The following PRKD1 variants were observed in gnomAD, a reference collection of about 807,000 sequenced individuals.
The protein encoded by PRKD1 is protein kinase D1.
In PRKD1, 63 loss-of-function variants were observed where a neutral mutation model predicts 95.9. The ratio of observed to expected loss-of-function variants is 0.66; its 90% CI spans 0.54 to 0.81. PRKD1 has a LOEUF of 0.81. Ranked by LOEUF, PRKD1 falls within the 30% of genes least tolerant of loss-of-function variation. PRKD1 has a pLI of 0.00. For missense variants in PRKD1, 1,048 were observed against 1,165.3 expected, an observed-to-expected ratio of 0.90 and a Z score of 1.47; for synonymous variants, 425 against 423.1, an observed-to-expected ratio of 1.00 and a Z score of -0.05.
chr14:29,705,811 T>A (rs1050525830), intron 2 of PRKD1, among the ~76,000 whole-genome samples: 3 of 152,154 alleles, frequency 2.0e-5, no homozygotes, highest in Non-Finnish European at 2.9e-5. Flanking sequence ...ACTTCATTTT[T>A]ATAGCTAAAT....
intron 6 of PRKD1, among the ~76,000 whole-genome samples, chr14:29,637,588 A>G (rs1284770050): frequency 2.6e-5 from 4 of 152,202 alleles, no homozygotes; most frequent in Admixed American, 2.0e-4. Context: ...GCCTGAACAA[A>G]GTCAACACCA....
chr14:29,679,665 G>A (rs888817560), intron 2 of PRKD1, among the ~76,000 whole-genome samples: 2 of 151,296 alleles, frequency 1.3e-5, no homozygotes, highest in Non-Finnish European at 2.9e-5. Context: ...AGAGATGCAG[G>A]CAAAGAAAAG....
intron 1 of PRKD1, among the ~76,000 whole-genome samples, chr14:29,826,019 T>C (rs576570028): frequency 1.3e-5 from 2 of 151,848 alleles, no homozygotes; most frequent in Admixed American, 1.3e-4. Flanking sequence ...GGTACATGCA[T>C]GTTTATAGTA....
At chr14:29,776,239 T>C (rs1325076339) in intron 1 of PRKD1, among the ~76,000 whole-genome samples, 1 of 152,164 alleles carries the variant, frequency 6.6e-6, no homozygotes, top group Non-Finnish European at 1.5e-5. Context: ...TCAGAGCGCC[T>C]CTTCTCCTCC....
At chr14:29,579,587 A>G (rs1342344436) in intron 16 of PRKD1, among the ~76,000 whole-genome samples, 1 of 152,136 alleles carries the variant, frequency 6.6e-6, no homozygotes, top group Non-Finnish European at 1.5e-5. Flanking sequence ...AGACTGTCAC[A>G]TGAGACCAGA....
rs1594537773 is a variant in PRKD1 at position 29,808,567 on chromosome 14, T to C, written c.265-82893A>G. ...GGCACCTGCCACCACACTCAGCTAA[T>C]TTTTGTATTTTTAGTAGAGATGGAG... On this transcript the variant is annotated intron_variant, in intron 1 of 17. Coordinates refer to ENST00000331968, the MANE Select transcript of PRKD1 (RefSeq NM_002742.3). Among the ~76,000 whole-genome samples the C allele has an allele frequency of 4.6e-5, 7 of 151,772 alleles. 1 individual carries two copies. The highest frequency in any genetic ancestry group is 3.9e-4 in the East Asian group (2 of 5,134).
intron 2 of PRKD1, among the ~76,000 whole-genome samples, chr14:29,723,057 T>G (rs978699811): frequency 2.0e-5 from 3 of 152,116 alleles, no homozygotes; most frequent in African/African-American, 7.2e-5. Context: ...GTCTTATTGG[T>G]GAAGTCAGGA....
intron 4 of PRKD1, among the ~76,000 whole-genome samples, chr14:29,662,873 G>C (rs1451686535): frequency 6.6e-6 from 1 of 151,558 alleles, no homozygotes; most frequent in Admixed American, 6.6e-5. Context: ...GGGAGATAGA[G>C]GGGGTAAATA....
chr14:29,685,764 T>C (rs1215320569), intron 2 of PRKD1, among the ~76,000 whole-genome samples: 1 of 149,954 alleles, frequency 6.7e-6, no homozygotes, highest in Admixed American at 6.6e-5. Flanking sequence ...GTGTACAGTC[T>C]TTTCTATGCA....
intron 1 of PRKD1, among the ~76,000 whole-genome samples, chr14:29,855,907 C>T (rs1393953302): frequency 6.6e-6 from 1 of 152,170 alleles, no homozygotes; most frequent in East Asian, 1.9e-4. Flanking sequence ...GATTGTGAGG[C>T]CTCTACAACC....
At chr14:29,604,769 G>A (rs1014642139) in intron 13 of PRKD1, among the ~76,000 whole-genome samples, 6 of 152,132 alleles carry the variant, frequency 3.9e-5, no homozygotes, top group African/African-American at 1.4e-4. Flanking sequence ...AAGTCATCTT[G>A]CAGAGAACAG....
chr14:29,835,574 A>T (rs1289310958), intron 1 of PRKD1, among the ~76,000 whole-genome samples: 1 of 151,822 alleles, frequency 6.6e-6, no homozygotes, highest in Non-Finnish European at 1.5e-5. Flanking sequence ...TTATTTATTT[A>T]TTTATTTATT....
intron 16 of PRKD1, among the ~76,000 whole-genome samples, chr14:29,585,645 G>A (rs1892896706): frequency 6.6e-6 from 1 of 152,000 alleles, no homozygotes. Context: ...TGTATATTTT[G>A]GCTAAAAATA....
chr14:29,779,101 A>C (rs1295608294), intron 1 of PRKD1, among the ~76,000 whole-genome samples: 3 of 152,232 alleles, frequency 2.0e-5, no homozygotes, highest in Admixed American at 1.3e-4. Flanking sequence ...TTCATGCTAA[A>C]AACTCTCAAT....
intron 1 of PRKD1, among the ~76,000 whole-genome samples, chr14:29,770,156 G>A (rs1460343552): frequency 6.6e-6 from 1 of 152,192 alleles, no homozygotes. Context: ...GGTCTCTCCA[G>A]TCTCCAGAAG....
At chr14:29,774,434 C>T (rs751852104) in intron 1 of PRKD1, among the ~76,000 whole-genome samples, 3 of 152,198 alleles carry the variant, frequency 2.0e-5, no homozygotes, top group Non-Finnish European at 2.9e-5. Flanking sequence ...GGGAGGAAAT[C>T]GGTGCTACCA....
chr14:29,737,891 A>T (rs1422512937), intron 1 of PRKD1, among the ~76,000 whole-genome samples: 3 of 152,212 alleles, frequency 2.0e-5, no homozygotes, highest in African/African-American at 7.2e-5. Context: ...TACAATTTTT[A>T]AAAAATCATC....
intron 16 of PRKD1, among the ~76,000 whole-genome samples, chr14:29,595,990 T>C (rs1893286500): frequency 6.6e-6 from 1 of 152,228 alleles, no homozygotes; most frequent in African/African-American, 2.4e-5. Context: ...TTACTTTTCA[T>C]CTTTGTTGAA....
intron 1 of PRKD1, among the ~76,000 whole-genome samples, chr14:29,766,090 G>A (rs781317458): frequency 2.0e-5 from 3 of 152,096 alleles, no homozygotes; most frequent in Non-Finnish European, 4.4e-5. Context: ...GAGAAGAGAA[G>A]AGCAACGACG....
Sources: gnomAD v4.1 joint callset for allele counts (sites outside exome capture counted in the v4.1 genomes callset) on GRCh38, gnomAD v4.1.1 for gene constraint, MANE v1.5 for transcripts, NCBI Gene and HGNC (gene_info 2026-07-23, HGNC 2026-07-21) for gene names.